The following NCOA3 variants were observed in gnomAD, a reference collection of about 807,000 sequenced individuals.
NCOA3 encodes nuclear receptor coactivator 3.
In NCOA3, 51 loss-of-function variants were observed where a neutral mutation model predicts 158.8. That is an observed-to-expected ratio of 0.32 (90% CI 0.26 to 0.41). The LOEUF (loss-of-function observed/expected upper bound fraction) is 0.41, where lower values mean the gene tolerates loss of function less well. Ranked by LOEUF, NCOA3 falls within the 10% of genes least tolerant of loss-of-function variation. The pLI, the probability that NCOA3 is intolerant of heterozygous loss-of-function variation, is 1.00. For synonymous variants in NCOA3, 537 were observed against 592.4 expected, an observed-to-expected ratio of 0.91 and a Z score of 1.36; for missense variants, 1,510 against 1,746.6, an observed-to-expected ratio of 0.86 and a Z score of 2.41.
intron 1 of NCOA3, among the ~76,000 whole-genome samples, chr20:47,546,803 T>C (rs2084837316): frequency 6.6e-6 from 1 of 152,140 alleles, no homozygotes; most frequent in African/African-American, 2.4e-5. Flanking sequence ...AGTGCTGAGG[T>C]TACAGGCATG....
chr20:47,610,425 G>A (rs2086024784), intron 2 of NCOA3, among the ~76,000 whole-genome samples: 1 of 152,130 alleles, frequency 6.6e-6, no homozygotes, highest in Non-Finnish European at 1.5e-5. Flanking sequence ...TCACTATGTT[G>A]CCCAGGCTGG....
intron 1 of NCOA3, among the ~76,000 whole-genome samples, chr20:47,512,510 G>A (rs911133534): frequency 6.6e-6 from 1 of 150,924 alleles, no homozygotes; most frequent in Non-Finnish European, 1.5e-5. Context: ...GAAGGTTGCA[G>A]TGTGCCGACA....
At chr20:47,572,895 A>G (rs1282107519) in intron 1 of NCOA3, among the ~76,000 whole-genome samples, 1 of 152,108 alleles carries the variant, frequency 6.6e-6, no homozygotes, top group Admixed American at 6.6e-5. Flanking sequence ...ACTTACTTGA[A>G]CACTTAGAGA....
At chr20:47,509,068 C>T (rs72661178) in intron 1 of NCOA3, among the ~76,000 whole-genome samples, 170 of 152,120 alleles carry the variant, frequency 1.1e-3, no homozygotes, top group African/African-American at 3.9e-3. Flanking sequence ...ACCAGATAAC[C>T]GTGTGAAGTT....
intron 1 of NCOA3, among the ~76,000 whole-genome samples, chr20:47,507,898 T>A (rs1313216661): frequency 2.0e-5 from 3 of 152,102 alleles, no homozygotes; most frequent in South Asian, 2.1e-4. Context: ...GAATTACAGG[T>A]GTGAGCCACC....
intron 2 of NCOA3, among the ~76,000 whole-genome samples, chr20:47,608,640 CAAAAAAAAAAA>C (rs148545557): frequency 2.0e-5 from 2 of 98,680 alleles, no homozygotes; most frequent in Non-Finnish European, 4.0e-5. Flanking sequence ...ACCCTGTCTC[CAAAAAAAAAAA>C]AAAAAAAAAG....
At chr20:47,578,895 C>G (rs916279305) in intron 1 of NCOA3, among the ~76,000 whole-genome samples, 2 of 152,088 alleles carry the variant, frequency 1.3e-5, no homozygotes. Flanking sequence ...AATCCTTGCC[C>G]CTTTTCATGT....
rs565402926 is a variant in NCOA3 at position 47,538,746 on chromosome 20, A to T, written c.-99+36727A>T. On this transcript the variant is annotated intron_variant, in intron 1 of 22. Transcript: ENST00000371998. ...ATTTTAGTAGAGACAGGGTTTCCCC[A>T]TGTTGGCCAGGCTGGTCTCGAACTC... Among the ~76,000 whole-genome samples, 200 of 152,224 alleles carry T rather than the reference A, an allele frequency of 1.3e-3. 1 individual carries two copies. The highest frequency in any genetic ancestry group is 4.6e-3 in the African/African-American group (191 of 41,568).
chr20:47,512,757 T>C (rs1383397661), intron 1 of NCOA3, among the ~76,000 whole-genome samples: 2 of 152,094 alleles, frequency 1.3e-5, no homozygotes, highest in Non-Finnish European at 2.9e-5. Flanking sequence ...ATACCGTTTG[T>C]TGGTAAGGAT....
At chr20:47,599,115 T>C (rs915802858) in intron 2 of NCOA3, among the ~76,000 whole-genome samples, 2 of 152,206 alleles carry the variant, frequency 1.3e-5, no homozygotes, top group Non-Finnish European at 2.9e-5. Context: ...TCTGTGATGT[T>C]TGCACAATGA....
chr20:47,626,291 C>T (rs1306495428), intron 5 of NCOA3, among the ~76,000 whole-genome samples: 1 of 152,190 alleles, frequency 6.6e-6, no homozygotes, highest in Non-Finnish European at 1.5e-5. Context: ...TGAAATTCCT[C>T]TTTGTAAATT....
intron 3 of NCOA3, among the ~76,000 whole-genome samples, chr20:47,623,659 A>G (rs1355390828): frequency 1.3e-5 from 2 of 152,126 alleles, no homozygotes; most frequent in African/African-American, 2.4e-5. Flanking sequence ...GTGGTGGCGC[A>G]TGCCTGTAAT....
chr20:47,611,779 G>A (rs1348369572), intron 2 of NCOA3, among the ~76,000 whole-genome samples: 1 of 151,820 alleles, frequency 6.6e-6, no homozygotes, highest in East Asian at 1.9e-4. Flanking sequence ...GTGACAGAGC[G>A]AGACTCCATC....
At chr20:47,612,970 C>G (rs1206713707) in intron 2 of NCOA3, among the ~76,000 whole-genome samples, 1 of 152,200 alleles carries the variant, frequency 6.6e-6, no homozygotes, top group African/African-American at 2.4e-5. Flanking sequence ...TTCTAGCACT[C>G]TAGTCTCTGG....
intron 3 of NCOA3, 32 bp downstream of exon 3, chr20:47,622,362 A>G (rs2086255470): frequency 1.5e-6 from 2 of 1,367,356 alleles, no homozygotes; most frequent in East Asian, 4.9e-5. Context: ...GCTTTACCAC[A>G]CTTGTTGTGC....
intron 16 of NCOA3, among the ~76,000 whole-genome samples, chr20:47,640,619 G>A (rs2086588317): frequency 1.3e-5 from 2 of 151,454 alleles, no homozygotes. Context: ...GGTGGCTCAC[G>A]CCTGTAATCC....
chr20:47,552,095 T>C (rs2084935414), intron 1 of NCOA3, among the ~76,000 whole-genome samples: 3 of 152,208 alleles, frequency 2.0e-5, no homozygotes, highest in Admixed American at 2.0e-4. Flanking sequence ...CTCATAGCCC[T>C]GAATACTTGG....
intron 1 of NCOA3, among the ~76,000 whole-genome samples, chr20:47,565,045 G>A (rs867483748): frequency 2.0e-5 from 3 of 152,174 alleles, no homozygotes; most frequent in South Asian, 4.2e-4. Context: ...GCAGTGGCAC[G>A]ATCTCGACTC....
intron 2 of NCOA3, 111 bp downstream of exon 2, chr20:47,583,372 T>C (rs2146222208): frequency 2.6e-6 from 1 of 391,854 alleles, no homozygotes; most frequent in South Asian, 1.4e-4. Flanking sequence ...TTATGCTTCA[T>C]GTTTTTCTCT....
Sources: gnomAD v4.1 joint callset for allele counts (sites outside exome capture counted in the v4.1 genomes callset) on GRCh38, gnomAD v4.1.1 for gene constraint, MANE v1.5 for transcripts, NCBI Gene and HGNC (gene_info 2026-07-23, HGNC 2026-07-21) for gene names.